The following ARHGAP10 variants were observed in gnomAD, a reference collection of about 807,000 sequenced individuals.
ARHGAP10 encodes Rho GTPase activating protein 10.
ARHGAP10 carries 87 observed loss-of-function variants against 108.6 expected under a neutral mutation model. That is an observed-to-expected ratio of 0.80 (90% CI 0.67 to 0.96). The LOEUF (loss-of-function observed/expected upper bound fraction) is 0.96. ARHGAP10 is among the 40% of genes least tolerant of loss of function. ARHGAP10 has a pLI of 0.00. For synonymous variants in ARHGAP10, 347 were observed against 341.1 expected (o/e 1.02, Z -0.19); for missense variants, 939 against 954.5 (o/e 0.98, Z 0.21).
chr4:147,912,768 C>T (rs1736811073), intron 12 of ARHGAP10, among the ~76,000 whole-genome samples: 1 of 145,812 alleles, frequency 6.9e-6, no homozygotes, highest in South Asian at 2.2e-4. Flanking sequence ...TCTTCAGCCT[C>T]CTGAGCAGCT....
intron 10 of ARHGAP10, among the ~76,000 whole-genome samples, chr4:147,902,410 C>T (rs1246549171): frequency 2.0e-5 from 3 of 152,060 alleles, no homozygotes; most frequent in Non-Finnish European, 2.9e-5. Context: ...CAAAGAACTG[C>T]CTGAGATTGG....
chr4:147,961,169 A>G (rs1279694446), intron 16 of ARHGAP10, among the ~76,000 whole-genome samples: 2 of 152,158 alleles, frequency 1.3e-5, no homozygotes, highest in African/African-American at 4.8e-5. Context: ...AATGATTACC[A>G]TCTAGTTAGC....
chr4:147,935,327 G>A (rs1197063191), intron 13 of ARHGAP10, among the ~76,000 whole-genome samples: 1 of 152,156 alleles, frequency 6.6e-6, no homozygotes, highest in East Asian at 1.9e-4. Flanking sequence ...GATAATAATA[G>A]TGGTTTGAAA....
rs770086636 is a variant in ARHGAP10 at position 147,901,094 on chromosome 4, GTGTGT to G, written c.1035-5541_1035-5537del. Among the ~76,000 whole-genome samples the G allele has an allele frequency of 7.3e-4, 111 of 152,250 alleles. No individual in the cohort carries two copies. In the Middle Eastern group the frequency reaches 0.01, roughly 14 times the overall value. On this transcript the variant is annotated intron_variant, in intron 10 of 22. Coordinates refer to ENST00000336498, the MANE Select transcript of ARHGAP10 (RefSeq NM_024605.4). Reference sequence around the variant, plus strand: ...AGAATTTTTATATTTTGGTTTAACAGTGTGTTGCTATTGATTTTGGCAGTTTGAAA... The same window carrying G: ...AGAATTTTTATATTTTGGTTTAACAGTGCTATTGATTTTGGCAGTTTGAAA...
intron 1 of ARHGAP10, among the ~76,000 whole-genome samples, chr4:147,757,022 C>CGA (rs371180090): frequency 3.4e-5 from 5 of 146,482 alleles, no homozygotes; most frequent in East Asian, 2.0e-4. Context: ...AGAGTGAGAG[C>CGA]GAGAGAGAGA....
chr4:147,881,582 G>T (rs964269268), intron 9 of ARHGAP10, among the ~76,000 whole-genome samples: 1 of 152,216 alleles, frequency 6.6e-6, no homozygotes, highest in African/African-American at 2.4e-5. Context: ...AGGTTGCAGT[G>T]AGCCAAGATC....
chr4:147,870,188 C>G (rs2126853517), intron 7 of ARHGAP10, among the ~76,000 whole-genome samples: 1 of 151,966 alleles, frequency 6.6e-6, no homozygotes, highest in African/African-American at 2.4e-5. Context: ...TCATGCCATC[C>G]TTCTGCCTGT....
At chr4:147,998,148 GAAAA>G (rs1560866423) in intron 18 of ARHGAP10, among the ~76,000 whole-genome samples, 2 of 151,962 alleles carry the variant, frequency 1.3e-5, no homozygotes, top group African/African-American at 4.8e-5. Context: ...TTAGGAAAGA[GAAAA>G]AAAGTAGCGT....
intron 15 of ARHGAP10, among the ~76,000 whole-genome samples, chr4:147,953,719 TTTTC>T (rs1483166688): frequency 6.6e-6 from 1 of 152,012 alleles, no homozygotes; most frequent in Non-Finnish European, 1.5e-5. Context: ...GATTAATTTA[TTTTC>T]TTTATTTTTC....
chr4:147,949,358 T>C (rs551379000), intron 15 of ARHGAP10, among the ~76,000 whole-genome samples: 1 of 152,342 alleles, frequency 6.6e-6, no homozygotes, highest in East Asian at 1.9e-4. Flanking sequence ...TTTTAAGTCT[T>C]GTTCACTGCA....
At chr4:147,744,645 TG>T (rs1351214821) in intron 1 of ARHGAP10, among the ~76,000 whole-genome samples, 2 of 151,054 alleles carry the variant, frequency 1.3e-5, no homozygotes, top group Non-Finnish European at 3.0e-5. Context: ...TGATTGGGTG[TG>T]GGGGCTGCCC....
At chr4:147,832,666 G>GAAAAAAAAAAAAAA (rs1165230059) in intron 3 of ARHGAP10, among the ~76,000 whole-genome samples, 3 of 45,756 alleles carry the variant, frequency 6.6e-5, no homozygotes, top group East Asian at 9.4e-4. Context: ...AAAAAAAAAG[G>GAAAAAAAAAAAAAA]AAATTGGAGC....
At chr4:147,935,578 G>A (rs1298956241) in intron 13 of ARHGAP10, among the ~76,000 whole-genome samples, 1 of 152,188 alleles carries the variant, frequency 6.6e-6, no homozygotes, top group Non-Finnish European at 1.5e-5. Context: ...GGTTGACAGG[G>A]AAATTTGGAA....
intron 1 of ARHGAP10, among the ~76,000 whole-genome samples, chr4:147,767,279 G>C (rs1367954844): frequency 2.0e-5 from 3 of 152,122 alleles, no homozygotes; most frequent in African/African-American, 7.2e-5. Context: ...AAAGGACAAA[G>C]ATTGGTAAAT....
At chr4:147,738,004 C>T (rs1404453249) in intron 1 of ARHGAP10, among the ~76,000 whole-genome samples, 2 of 150,554 alleles carry the variant, frequency 1.3e-5, no homozygotes, top group South Asian at 2.1e-4. Flanking sequence ...AGCTCCTTGT[C>T]GCTGTGTTGT....
intron 18 of ARHGAP10, among the ~76,000 whole-genome samples, chr4:147,978,946 T>C (rs1002462866): frequency 1.3e-5 from 2 of 152,222 alleles, no homozygotes; most frequent in East Asian, 3.8e-4. Flanking sequence ...TCCTTATAGA[T>C]TCTGGAAATT....
At chr4:147,978,928 A>G (rs1039328439) in intron 18 of ARHGAP10, among the ~76,000 whole-genome samples, 3 of 151,868 alleles carry the variant, frequency 2.0e-5, no homozygotes, top group Non-Finnish European at 4.4e-5. Flanking sequence ...TTAATTATTC[A>G]TTTCAGTTCC....
At chr4:147,746,714 G>A (rs1008618306) in intron 1 of ARHGAP10, among the ~76,000 whole-genome samples, 1 of 152,070 alleles carries the variant, frequency 6.6e-6, no homozygotes, top group Non-Finnish European at 1.5e-5. Flanking sequence ...ATAGAAGGTG[G>A]GATTCATATT....
At chr4:147,972,099 T>C (rs1003523314) in intron 18 of ARHGAP10, among the ~76,000 whole-genome samples, 1 of 152,142 alleles carries the variant, frequency 6.6e-6, no homozygotes, top group Non-Finnish European at 1.5e-5. Flanking sequence ...TGAATTGTAG[T>C]TATCTGTTCA....
Sources: gnomAD v4.1 joint callset for allele counts (sites outside exome capture counted in the v4.1 genomes callset) on GRCh38, gnomAD v4.1.1 for gene constraint, MANE v1.5 for transcripts, NCBI Gene and HGNC (gene_info 2026-07-23, HGNC 2026-07-21) for gene names.